The following CROT variants were observed in gnomAD, a reference collection of about 807,000 sequenced individuals.
CROT encodes the protein carnitine O-octanoyltransferase.
In CROT, 84 loss-of-function variants were observed where a neutral mutation model predicts 89.2. The ratio of observed to expected loss-of-function variants is 0.94; its 90% CI spans 0.79 to 1.13. The LOEUF (loss-of-function observed/expected upper bound fraction) is 1.13, where lower values mean the gene tolerates loss of function less well. CROT is among the 50% of genes most tolerant of loss of function. The pLI, the probability that CROT is intolerant of heterozygous loss-of-function variation, is 0.00. For synonymous variants in CROT, 212 were observed against 239.5 expected (o/e 0.89, Z 1.06); for missense variants, 711 against 727.8 (o/e 0.98, Z 0.27).
chr7:87,397,790 G>T lies in CROT; in HGVS notation c.1719-734G>T, dbSNP rs182868736. ...TGTTTAACTTAAAGCACATGTTGAA[G>T]ACATAATTTACTCTTTTTTTAAGTG... On this transcript the variant is annotated intron_variant, in intron 17 of 17. Coordinates refer to ENST00000331536, the MANE Select transcript of CROT (RefSeq NM_021151.4). Among the ~76,000 whole-genome samples the T allele has an allele frequency of 2.7e-4, 41 of 152,260 alleles. 1 individual carries two copies. In the East Asian group the frequency reaches 7.9e-3, roughly 29 times the overall value.
At chr7:87,369,515 G>A (rs950057950) in intron 7 of CROT, 31 bp downstream of exon 7, 2 of 1,416,520 alleles carry the variant, frequency 1.4e-6, no homozygotes, top group Admixed American at 1.8e-5. Context: ...AGTTTCATTA[G>A]GTCTTATGGT....
At chr7:87,387,330 C>T (rs2116109277) in intron 13 of CROT, among the ~76,000 whole-genome samples, 1 of 152,120 alleles carries the variant, frequency 6.6e-6, no homozygotes, top group African/African-American at 2.4e-5. Flanking sequence ...GTATAATTAT[C>T]AGTAAATTTG....
chr7:87,381,952 T>C lies in CROT; in HGVS notation c.1021T>C (p.Tyr341His), dbSNP rs898097814. Residue 341 changes from tyrosine (Y) to histidine (H), a missense_variant, in exon 11 of 18, where the codon TAT (tyrosine) becomes CAT (histidine). Tyr to His is a moderately conservative substitution (Grantham distance 83). Transcript: ENST00000331536. The stretch of plus-strand genomic sequence containing the variant: ...AATGATTATGGTGAACATCAGTTAT[T>C]ATGTGGATGAGAAAATTTTTCAGAA... ...DAMIMVNISY[Y>H]VDEKIFQNEG... The C allele has an allele frequency of 1.1e-5, 18 of 1,611,260 alleles. No individual in the cohort carries two copies. Among genetic ancestry groups the C allele is most frequent in the Non-Finnish European group, 1.5e-5 (18 of 1,178,536 alleles).
Position 87,382,145 on chromosome 7 carries a change from T to A in CROT, c.1134T>A (p.Asn378Lys). 6.2e-7 allele frequency: 1 copy of A among 1,613,430 alleles called. No homozygotes were observed. The change falls in exon 12 of 18, where the codon AAT becomes AAA. Residue 378 changes from asparagine (N) to lysine (K), a missense_variant. Physicochemically the swap from Asn to Lys is moderately conservative, Grantham distance 94. Transcript: ENST00000331536. Reference protein sequence around the residue: ...LIFIVDEKVLNDINQAKAQYL... With the variant: ...LIFIVDEKVLKDINQAKAQYL... ...TCATTGTGGATGAGAAAGTTTTAAA[T>A]GACATCAACCAAGCTAAAGCCCAGT...
In CROT at chr7:87,387,750, G is replaced by A. The variant is rs1167709494; in HGVS notation, c.1302-3839G>A. On this transcript the variant is annotated intron_variant, in intron 13 of 17. Coordinates refer to ENST00000331536, the MANE Select transcript of CROT (RefSeq NM_021151.4). ...GCAGATCACTTGAGGTCAGGAGTTC[G>A]AGACTAGCCTGGCCAACATGGTAAA... Among the ~76,000 whole-genome samples the A allele has an allele frequency of 4.6e-5, 7 of 152,150 alleles. No homozygotes were observed. In the East Asian group the frequency reaches 7.7e-4, roughly 17 times the overall value.
intron 3 of CROT, among the ~76,000 whole-genome samples, chr7:87,355,707 T>G (rs891101515): frequency 3.9e-5 from 6 of 152,044 alleles, no homozygotes; most frequent in African/African-American, 1.5e-4. Context: ...CAGTAGGTAC[T>G]GACAAATACA....
Position 87,361,532 on chromosome 7 carries a change from C to T in CROT, c.383C>T (p.Thr128Ile), listed in dbSNP as rs1584626443. Reference protein sequence around the residue: ...EGTQLERGSITLWHNLNYWQL... With the variant: ...EGTQLERGSIILWHNLNYWQL... Reference sequence around the variant, plus strand: ...ACTCAATTAGAAAGAGGAAGTATAACTCTTTGGCATAACTTGAACTACTGG... The same window carrying T: ...ACTCAATTAGAAAGAGGAAGTATAATTCTTTGGCATAACTTGAACTACTGG... Residue 128 changes from threonine (T) to isoleucine (I), a missense_variant, in exon 5 of 18, where the codon ACT becomes ATT. By Grantham distance (89) the Thr-to-Ile change is moderately conservative (BLOSUM62 -1). Coordinates refer to ENST00000331536, the MANE Select transcript of CROT (RefSeq NM_021151.4). 1 of 1,605,412 alleles carries T rather than the reference C, an allele frequency of 6.2e-7. No homozygotes were observed. Among genetic ancestry groups the T allele is most frequent in the African/African-American group, 1.3e-5 (1 of 74,434 alleles).
chr7:87,368,070 A>T (rs924894669), intron 6 of CROT, among the ~76,000 whole-genome samples: 2 of 150,948 alleles, frequency 1.3e-5, no homozygotes, highest in Non-Finnish European at 3.0e-5. Context: ...CTTATCTACC[A>T]CTCTATCCTT....
At position 87,371,007 on chromosome 7, in the gene CROT, A is replaced by G. The variant is rs76929964; in HGVS notation, c.656+1523A>G. Among the ~76,000 whole-genome samples the G allele has an allele frequency of 8.6e-3, 1,307 of 152,334 alleles. 20 individuals carry two copies. Among genetic ancestry groups the G allele is most frequent in the African/African-American group, 0.03 (1,238 of 41,576 alleles). ...TTGTGTGTGTTGCAATACACAGAGT[A>G]GAAGATGTTTATAATTGATCTTTTG... is the stretch of plus-strand genomic sequence containing the variant. On this transcript the variant is annotated intron_variant, in intron 7 of 17. Coordinates refer to ENST00000331536, the MANE Select transcript of CROT (RefSeq NM_021151.4).
chr7:87,393,190 C>A (rs780971793), intron 17 of CROT, 123 bp downstream of exon 17: 11 of 1,099,952 alleles, frequency 1.0e-5, no homozygotes, highest in Non-Finnish European at 1.3e-5. Context: ...ACATAAGTAA[C>A]TATTTTTTTC....
intron 13 of CROT, among the ~76,000 whole-genome samples, chr7:87,390,984 G>T (rs1398704162): frequency 6.6e-6 from 1 of 152,176 alleles, no homozygotes; most frequent in African/African-American, 2.4e-5. Flanking sequence ...GGTTTTTCAT[G>T]AGGTTGTAGT....
intron 14 of CROT, 92 bp downstream of exon 14, chr7:87,391,804 T>G: frequency 7.8e-7 from 1 of 1,279,712 alleles, no homozygotes; most frequent in African/African-American, 1.6e-5. Context: ...TTGCTTCAGT[T>G]TTCCTGGATC....
chr7:87,391,863 C>A, intron 14 of CROT, 151 bp downstream of exon 14: 3 of 779,052 alleles, frequency 3.9e-6, no homozygotes, highest in Non-Finnish European at 4.0e-6. Flanking sequence ...AGCATTTGTT[C>A]ATTCACCAGT....
intron 12 of CROT, 82 bp downstream of exon 12, chr7:87,382,263 A>G (rs1807035998): frequency 7.1e-7 from 1 of 1,409,542 alleles, no homozygotes; most frequent in Admixed American, 1.9e-5. Context: ...TCATCCAAGC[A>G]TGTCTGCACA....
rs1438730478 is a variant in CROT, at chr7:87,361,464, T to C, written c.315T>C (p.Gly105=). Reference sequence around the variant, plus strand: ...CACAATTGAATGTCAACTTTGCGGGTCCTGCAGCTCATTTTGAACACTACT... The same window carrying C: ...CACAATTGAATGTCAACTTTGCGGGCCCTGCAGCTCATTTTGAACACTACT... ...IPSQLNVNFA[G]PAAHFEHYWP... is the part of the protein sequence containing the mutation. The change falls in exon 5 of 18, where the codon GGT becomes GGC. Residue 105 remains glycine (G), a synonymous_variant. Coordinates refer to ENST00000331536, the MANE Select transcript of CROT (RefSeq NM_021151.4). 6.2e-7 allele frequency: 1 copy of C among 1,614,012 alleles called. No individual in the cohort carries two copies. Among genetic ancestry groups the C allele is most frequent in the South Asian group, 1.1e-5 (1 of 91,052 alleles).
intron 17 of CROT, among the ~76,000 whole-genome samples, chr7:87,394,678 AT>A (rs1450468010): frequency 2.0e-5 from 3 of 152,066 alleles, no homozygotes; most frequent in African/African-American, 7.2e-5. Context: ...TGGGTGCTAT[AT>A]TTTTTATAGC....
intron 6 of CROT, among the ~76,000 whole-genome samples, chr7:87,362,095 A>G (rs1806295541): frequency 6.6e-6 from 1 of 152,208 alleles, no homozygotes; most frequent in East Asian, 1.9e-4. Context: ...TTGAAAGTTT[A>G]AAGTTTACTT....
intron 6 of CROT, among the ~76,000 whole-genome samples, chr7:87,363,728 A>G (rs1414623781): frequency 3.9e-5 from 6 of 152,372 alleles, no homozygotes; most frequent in Non-Finnish European, 7.3e-5. Context: ...GCTTTAAAAA[A>G]GATCATTCTA....
chr7:87,350,782 G>A (rs1465208153), intron 3 of CROT, among the ~76,000 whole-genome samples: 1 of 152,150 alleles, frequency 6.6e-6, no homozygotes, highest in Non-Finnish European at 1.5e-5. Context: ...ACCACCCCAT[G>A]TTGTAGGTTT....
Sources: gnomAD v4.1 joint callset for allele counts (sites outside exome capture counted in the v4.1 genomes callset) on GRCh38, gnomAD v4.1.1 for gene constraint, MANE v1.5 for transcripts, NCBI Gene and HGNC (gene_info 2026-07-23, HGNC 2026-07-21) for gene names.